The following MRPS28 variants were observed in gnomAD, a reference collection of about 807,000 sequenced individuals.
The protein encoded by MRPS28 is mitochondrial ribosomal protein S28.
Under a neutral mutation model 10.8 loss-of-function variants are expected in MRPS28, and 7 were observed. The ratio of observed to expected loss-of-function variants is 0.65; its 90% confidence interval spans 0.37 to 1.22. MRPS28 has a LOEUF of 1.22. Among genes scored for constraint, MRPS28 ranks in the 50% most tolerant of loss-of-function variants. MRPS28 has a pLI of 0.02. For missense variants in MRPS28, 265 were observed against 232.9 expected, an observed-to-expected ratio of 1.14 and a Z score of -0.90; for synonymous variants, 121 against 93.3, an observed-to-expected ratio of 1.30 and a Z score of -1.71.
intron 2 of MRPS28, among the ~76,000 whole-genome samples, chr8:79,985,954 C>T (rs1203527092): frequency 6.6e-6 from 1 of 152,104 alleles, no homozygotes; most frequent in East Asian, 1.9e-4. Context: ...GATACCAAAG[C>T]CTGGCAGAGA....
chr8:79,936,692 A>G (rs1436319270), intron 2 of MRPS28, among the ~76,000 whole-genome samples: 1 of 152,252 alleles, frequency 6.6e-6, no homozygotes, highest in Non-Finnish European at 1.5e-5. Flanking sequence ...TGTTCACTAT[A>G]TAGTTAATAA....
chr8:79,982,431 G>A (rs920395468), intron 2 of MRPS28, among the ~76,000 whole-genome samples: 23 of 152,320 alleles, frequency 1.5e-4, no homozygotes, highest in Admixed American at 7.8e-4. Flanking sequence ...TGGTTGCAGC[G>A]CACCGTGCGT....
intron 1 of MRPS28, among the ~76,000 whole-genome samples, chr8:80,009,107 G>A (rs1000693382): frequency 1.3e-5 from 2 of 152,190 alleles, no homozygotes; most frequent in Admixed American, 6.5e-5. Context: ...AAAAAAGGAT[G>A]AGTTCATGTC....
At chr8:79,948,831 T>C (rs1807001903) in intron 2 of MRPS28, among the ~76,000 whole-genome samples, 1 of 152,224 alleles carries the variant, frequency 6.6e-6, no homozygotes. Flanking sequence ...TCATGATGTA[T>C]TATACATTTT....
chr8:79,921,175 C>T (rs1810083393), intron 2 of MRPS28, among the ~76,000 whole-genome samples: 1 of 152,106 alleles, frequency 6.6e-6, no homozygotes, highest in African/African-American at 2.4e-5. Context: ...CAGTACCATG[C>T]TGTTTTGGTT....
chr8:80,027,474 G>C lies in MRPS28; in HGVS notation c.213+2562C>G, dbSNP rs572340604. Among the ~76,000 whole-genome samples the C allele has an allele frequency of 5.3e-5, 8 of 152,342 alleles. No homozygotes were observed. The East Asian group carries it at 1.5e-3, about 29-fold the overall frequency. On this transcript the variant is annotated intron_variant, in intron 1 of 2. Transcript: ENST00000276585. ...AGTAGGCCTCTGAAGCCACAGTAGA[G>C]AGATGCACCATTGTATATTTAATCT...
chr8:79,997,311 T>C (rs1259175601), intron 2 of MRPS28, among the ~76,000 whole-genome samples: 1 of 152,092 alleles, frequency 6.6e-6, no homozygotes, highest in African/African-American at 2.4e-5. Context: ...GCAAAAATAT[T>C]AACTTAAAGC....
chr8:79,982,992 ACCCCCG>A lies in MRPS28; in HGVS notation c.395+20001_395+20006del, dbSNP rs1407070986. Among the ~76,000 whole-genome samples the A allele has an allele frequency of 6.1e-4, 72 of 118,874 alleles. 2 individuals are homozygous for A. The highest frequency in any genetic ancestry group is 1.1e-3 in the Non-Finnish European group (66 of 58,362). The allele number at this position is 118,874 out of a possible 152,430, so 78.0% of individuals were successfully genotyped here. On this transcript the variant is annotated intron_variant, in intron 2 of 2. Transcript: ENST00000276585. ...GTGGGTCCCTGACGCCTGACCCCCG[ACCCCCG>A]AGCAGCCTAACTGGGAGGCACCCCC...
chr8:79,937,050 G>C (rs1050794446), intron 2 of MRPS28, among the ~76,000 whole-genome samples: 7 of 151,954 alleles, frequency 4.6e-5, no homozygotes, highest in African/African-American at 1.5e-4. Flanking sequence ...TAGTAGAGAT[G>C]GGGTTTCACC....
chr8:80,022,054 A>G (rs1809381657), intron 1 of MRPS28, among the ~76,000 whole-genome samples: 1 of 152,184 alleles, frequency 6.6e-6, no homozygotes, highest in Non-Finnish European at 1.5e-5. Flanking sequence ...TACCACAAGG[A>G]TTCCTTGTGC....
rs1808721936 is a variant in MRPS28, at chr8:80,003,423, T to A, written c.214-243A>T. 1.3e-5 allele frequency among the ~76,000 whole-genome samples: 2 copies of A among 152,156 alleles called. 1 individual carries two copies. Among genetic ancestry groups the A allele is most frequent in the South Asian group, 4.1e-4 (2 of 4,828 alleles). On this transcript the variant is annotated intron_variant, in intron 1 of 2. Coordinates refer to ENST00000276585, the MANE Select transcript of MRPS28 (RefSeq NM_014018.3). ...GCTCACGCCTGTTATCCCAGCACTTTGGGAGGCCGAGGCAGGTGGATCACC... is the reference window on the plus strand; with the variant it reads ...GCTCACGCCTGTTATCCCAGCACTTAGGGAGGCCGAGGCAGGTGGATCACC...
chr8:80,029,878 G>C (rs746181350), intron 1 of MRPS28, 158 bp downstream of exon 1: 1 of 1,536,114 alleles, frequency 6.5e-7, no homozygotes, highest in East Asian at 2.4e-5. Flanking sequence ...ACAGATTCTA[G>C]GGGCCGAGGG....
intron 2 of MRPS28, among the ~76,000 whole-genome samples, chr8:79,944,617 T>TA (rs1806853464): frequency 1.3e-5 from 2 of 152,234 alleles, no homozygotes; most frequent in South Asian, 4.2e-4. Flanking sequence ...CACACTGGCT[T>TA]AGGTCAATGT....
At chr8:79,953,713 A>T (rs966652432) in intron 2 of MRPS28, among the ~76,000 whole-genome samples, 1 of 152,238 alleles carries the variant, frequency 6.6e-6, no homozygotes, top group African/African-American at 2.4e-5. Context: ...GGATATATTG[A>T]ATTACTACTT....
chr8:79,942,510 A>G (rs1188344564), intron 2 of MRPS28, among the ~76,000 whole-genome samples: 2 of 152,154 alleles, frequency 1.3e-5, no homozygotes, highest in African/African-American at 2.4e-5. Context: ...ACTTCAGGCA[A>G]TATTTGTATC....
chr8:79,957,597 A>G (rs1807260156), intron 2 of MRPS28, among the ~76,000 whole-genome samples: 1 of 151,316 alleles, frequency 6.6e-6, no homozygotes, highest in Non-Finnish European at 1.5e-5. Context: ...AAGTGCCTGT[A>G]GTCCCAGAAA....
intron 1 of MRPS28, among the ~76,000 whole-genome samples, chr8:80,004,139 T>C (rs1304223647): frequency 6.6e-6 from 1 of 152,328 alleles, no homozygotes; most frequent in Middle Eastern, 3.4e-3. Context: ...AAGAGAGTAG[T>C]GGTTCTCCCA....
intron 1 of MRPS28, among the ~76,000 whole-genome samples, chr8:80,008,175 G>T (rs185840154): frequency 0.011 from 1,660 of 152,286 alleles, 16 homozygotes; most frequent in Non-Finnish European, 0.017. Context: ...AATGGGGAAA[G>T]GATTCCCTAT....
At chr8:79,920,390 A>T (rs1810057653) in intron 2 of MRPS28, among the ~76,000 whole-genome samples, 1 of 152,144 alleles carries the variant, frequency 6.6e-6, no homozygotes, top group African/African-American at 2.4e-5. Flanking sequence ...TGGTTGAACT[A>T]GTTTACAGTC....
Sources: allele counts gnomAD v4.1 joint callset (sites outside exome capture counted in the v4.1 genomes callset), GRCh38; gene constraint gnomAD v4.1.1; transcripts MANE v1.5; gene names NCBI Gene and HGNC (gene_info 2026-07-23, HGNC 2026-07-21).